Variants in TATDN2 observed in about 807,000 individuals in gnomAD.
TATDN2 encodes the protein TatD DNase domain containing 2, also known as 3'-5' RNA nuclease TATDN2.
A neutral mutation model predicts 60.3 loss-of-function variants in TATDN2; 44 were observed. The ratio of observed to expected loss-of-function variants is 0.73; its 90% CI spans 0.57 to 0.94. The LOEUF (loss-of-function observed/expected upper bound fraction) is 0.94. Among genes scored for constraint, TATDN2 ranks in the 40% least tolerant of loss-of-function variants. TATDN2 has a pLI of 0.00. For synonymous variants in TATDN2, 399 were observed against 355.8 expected (o/e 1.12, Z -1.37); for missense variants, 997 against 948.0 (o/e 1.05, Z -0.68).
At position 10,249,499 on chromosome 3, in the gene TATDN2, G is replaced by C; in HGVS notation, c.299G>C (p.Gly100Ala). The C allele has an allele frequency of 6.2e-7, 1 of 1,612,146 alleles. No individual in the cohort carries two copies. The highest frequency in any genetic ancestry group is 8.5e-7 in the Non-Finnish European group (1 of 1,179,090). ...GPGVGGAASK[G>A]CLIRNTRGFL... The stretch of plus-strand genomic sequence containing the variant: ...GGTGTGGGCGGGGCCGCCTCCAAAG[G>C]CTGCCTGATTCGGAACACTCGGGGG... The change falls in exon 2 of 8, where the codon GGC (glycine) becomes GCC (alanine). Residue 100 changes from glycine (G) to alanine (A), a missense_variant. Transcript: ENST00000448281.
At chr3:10,258,849 G>A (rs1277077274) in intron 2 of TATDN2, among the ~76,000 whole-genome samples, 5 of 150,982 alleles carry the variant, frequency 3.3e-5, no homozygotes, top group Admixed American at 1.3e-4. Context: ...ACTTGTTTGC[G>A]AATATATACA....
chr3:10,264,937 A>G (rs1288452489), intron 3 of TATDN2, among the ~76,000 whole-genome samples: 7 of 150,424 alleles, frequency 4.7e-5, no homozygotes, highest in African/African-American at 1.7e-4. Context: ...CGGCCTCCCA[A>G]AGTGCTGGGA....
intron 4 of TATDN2, 116 bp downstream of exon 4, chr3:10,271,131 C>T: frequency 7.4e-7 from 1 of 1,354,686 alleles, no homozygotes; most frequent in Non-Finnish European, 9.8e-7. Flanking sequence ...CCTGAAAACG[C>T]AGTGTGCTTG....
intron 4 of TATDN2, among the ~76,000 whole-genome samples, chr3:10,272,125 C>A (rs1278916711): frequency 6.6e-6 from 1 of 150,788 alleles, no homozygotes; most frequent in Admixed American, 6.6e-5. Flanking sequence ...CTTTTTTTTT[C>A]AGAGATAAGG....
At position 10,260,242 on chromosome 3, in the gene TATDN2, A is replaced by G. The variant is rs1698380559; in HGVS notation, c.520A>G (p.Lys174Glu). 6.2e-7 allele frequency: 1 copy of G among 1,614,186 alleles called. No homozygotes were observed. The highest frequency in any genetic ancestry group is 1.3e-5 in the African/African-American group (1 of 75,048). ...GGAACCCAACAAGGTCCAGAAAAGG[A>G]AGAGGGATAGACTTCGAGACCAGGG... ...IEEPNKVQKR[K>E]RDRLRDQGST... is the part of the protein sequence containing the mutation. The change falls in exon 3 of 8, where the codon AAG becomes GAG. Residue 174 changes from lysine (K) to glutamate (E), a missense_variant. By Grantham distance (56) the Lys-to-Glu change is moderately conservative (BLOSUM62 1). Coordinates refer to ENST00000448281, the MANE Select transcript of TATDN2 (RefSeq NM_014760.4).
intron 2 of TATDN2, among the ~76,000 whole-genome samples, chr3:10,255,370 T>C (rs368556791): frequency 1.3e-5 from 2 of 152,158 alleles, no homozygotes; most frequent in East Asian, 3.8e-4. Context: ...TCCAGGATGT[T>C]AGGGAGAACT....
At chr3:10,254,970 T>C (rs927520029) in intron 2 of TATDN2, among the ~76,000 whole-genome samples, 3 of 151,074 alleles carry the variant, frequency 2.0e-5, no homozygotes, top group African/African-American at 7.3e-5. Context: ...TCTCACTTTC[T>C]CTCTTTTTTT....
intron 2 of TATDN2, among the ~76,000 whole-genome samples, chr3:10,257,841 ATTT>A (rs553265148): frequency 1.3e-3 from 40 of 30,284 alleles, no homozygotes; most frequent in Middle Eastern, 0.025. Context: ...AAGGTTTATG[ATTT>A]TTTTTTTTTT....
intron 2 of TATDN2, among the ~76,000 whole-genome samples, chr3:10,255,878 G>GTTGTAAGTGAGCTGAGA (rs1293067042): frequency 1.3e-5 from 2 of 152,232 alleles, no homozygotes; most frequent in African/African-American, 4.8e-5. Context: ...AGAGGCGGAG[G>GTTGTAAGTGAGCTGAGA]TTGTAAGTGA....
At chr3:10,264,116 A>G (rs916258802) in intron 3 of TATDN2, among the ~76,000 whole-genome samples, 3 of 152,194 alleles carry the variant, frequency 2.0e-5, no homozygotes, top group African/African-American at 4.8e-5. Context: ...ACTGTCTTCA[A>G]ACAACTCACC....
chr3:10,270,022 C>T (rs1698532451), intron 3 of TATDN2, 109 bp from the exon 4 acceptor site: 2 of 1,394,144 alleles, frequency 1.4e-6, no homozygotes, highest in South Asian at 1.4e-5. Context: ...GCAAAGCCAT[C>T]ACCATGGCCA....
chr3:10,249,656 A>G, intron 2 of TATDN2, 42 bp downstream of exon 2: 4 of 1,490,160 alleles, frequency 2.7e-6, no homozygotes, highest in Non-Finnish European at 3.6e-6. Context: ...AGCCCCTTCC[A>G]CATGGCTTGA....
Position 10,276,431 on chromosome 3 carries a change from A to G in TATDN2, c.1904A>G (p.Asp635Gly), listed in dbSNP as rs1182252138. The part of the protein sequence containing the change: ...KPLVIHCREA[D>G]EDLLEIMKKF... ...TTGGTGATCCACTGCCGAGAAGCTGATGAAGATCTGCTAGAAATCATGAAA... is the reference window on the plus strand; with the variant it reads ...TTGGTGATCCACTGCCGAGAAGCTGGTGAAGATCTGCTAGAAATCATGAAA... The change falls in exon 5 of 8, where the codon GAT becomes GGT. Residue 635 changes from aspartate (D) to glycine (G), a missense_variant. Asp to Gly is a moderately conservative substitution (Grantham distance 94). Coordinates refer to ENST00000448281, the MANE Select transcript of TATDN2 (RefSeq NM_014760.4). The G allele has an allele frequency of 6.2e-7, 1 of 1,614,040 alleles. No homozygotes were observed. The highest frequency in any genetic ancestry group is 8.5e-7 in the Non-Finnish European group (1 of 1,179,966).
In TATDN2 at chr3:10,270,326, TAC is replaced by T; in HGVS notation, c.1145_1146del (p.Tyr382CysfsTer12). The T allele has an allele frequency of 6.2e-7, 1 of 1,614,210 alleles. No individual in the cohort carries two copies. Among genetic ancestry groups the T allele is most frequent in the Admixed American group, 1.7e-5 (1 of 60,028 alleles). On this transcript the variant is annotated frameshift_variant, in exon 4 of 8. Transcript: ENST00000448281. LOFTEE classifies it high-confidence loss of function. ...TTTGTACAGTAGTCCTTGGTGTGAC[TAC>T]GCCAGCTATTGGACCAGCAGCCCCA... Reference protein sequence around the residue: ...PHLYSSPWCDYASYWTSSPKP... With the variant: ...PHLYSSPWCDXASYWTSSPKP...
At chr3:10,256,006 C>T (rs1375594661) in intron 2 of TATDN2, among the ~76,000 whole-genome samples, 1 of 152,160 alleles carries the variant, frequency 6.6e-6, no homozygotes, top group Non-Finnish European at 1.5e-5. Context: ...ATGACATCAC[C>T]TCCCCATTTT....
intron 2 of TATDN2, 102 bp from the exon 3 acceptor site, chr3:10,260,035 C>T: frequency 7.3e-7 from 1 of 1,368,364 alleles, no homozygotes; most frequent in Non-Finnish European, 9.9e-7. Context: ...AGTCACTTTC[C>T]CTTTGACTGG....
Position 10,281,002 on chromosome 3 carries a change from G to A in TATDN2, c.*1820G>A, listed in dbSNP as rs975846520. Reference sequence around the variant, plus strand: ...ATCCACCTGCCAAGGAAAAGCACAAGGTGCTATCTACTTTTCTCTCTAGGA... The same window carrying A: ...ATCCACCTGCCAAGGAAAAGCACAAAGTGCTATCTACTTTTCTCTCTAGGA... On this transcript the variant is annotated 3_prime_UTR_variant, in exon 8 of 8. Coordinates refer to ENST00000448281, the MANE Select transcript of TATDN2 (RefSeq NM_014760.4). 6.6e-6 allele frequency: 1 copy of A among 152,242 alleles called. No homozygotes were observed. The highest frequency in any genetic ancestry group is 1.5e-5 in the Non-Finnish European group (1 of 68,048). The allele number at this position is 152,242 out of a possible 1,614,324, so 9.4% of individuals were successfully genotyped here. A position where few individuals can be genotyped will look rare whatever the true frequency, so the allele number is the denominator to read the frequency against.
Position 10,256,707 on chromosome 3 carries a change from G to A in TATDN2, c.415-3430G>A, listed in dbSNP as rs893855306. Among the ~76,000 whole-genome samples the A allele has an allele frequency of 1.3e-5, 2 of 152,094 alleles. 1 individual carries two copies. The highest frequency in any genetic ancestry group is 4.1e-4 in the South Asian group (2 of 4,824). On this transcript the variant is annotated intron_variant, in intron 2 of 7. Transcript: ENST00000448281. ...TGAGGGTGCAGATACTCCTCAGTTT[G>A]TTGCAGATCTCACCCTCTGTGTTGT...
rs144351497 is a variant in TATDN2, at chr3:10,249,399, C to G, written c.199C>G (p.Arg67Gly). 6.2e-7 allele frequency: 1 copy of G among 1,612,874 alleles called. No individual in the cohort carries two copies. The highest frequency in any genetic ancestry group is 8.5e-7 in the Non-Finnish European group (1 of 1,179,702). ...GAAGGAGGACGATGTGGCTTGCTCGCGGAGGTTATCCTGGGGCTCATCCCG... is the reference window on the plus strand; with the variant it reads ...GAAGGAGGACGATGTGGCTTGCTCGGGGAGGTTATCCTGGGGCTCATCCCG... Reference protein sequence around the residue: ...AQKEDDVACSRRLSWGSSRRR... With the variant: ...AQKEDDVACSGRLSWGSSRRR... The change falls in exon 2 of 8, where the codon CGG becomes GGG. Residue 67 changes from arginine (R) to glycine (G), a missense_variant. Transcript: ENST00000448281.
Sources: gnomAD v4.1 joint callset for allele counts (sites outside exome capture counted in the v4.1 genomes callset) on GRCh38, gnomAD v4.1.1 for gene constraint, MANE v1.5 for transcripts, NCBI Gene and HGNC (gene_info 2026-07-23, HGNC 2026-07-21) for gene names.